TENM4: variants seen among roughly 807,000 people sequenced by gnomAD.
TENM4 encodes teneurin-4.
Under a neutral mutation model 243.3 loss-of-function variants are expected in TENM4, and 82 were observed. That is an observed-to-expected ratio of 0.34 (90% confidence interval 0.28 to 0.40). The LOEUF (loss-of-function observed/expected upper bound fraction) is 0.40, where lower values mean the gene tolerates loss of function less well. Among genes scored for constraint, TENM4 ranks in the 10% least tolerant of loss-of-function variants. The pLI is 1.00. For missense variants in TENM4, 3,138 were observed against 3,673.3 expected (o/e 0.85, Z 3.77); for synonymous variants, 1,412 against 1,456.3 (o/e 0.97, Z 0.69).
At chr11:79,300,132 G>A (rs1856527193) in intron 1 of TENM4, among the ~76,000 whole-genome samples, 1 of 152,164 alleles carries the variant, frequency 6.6e-6, no homozygotes, top group Non-Finnish European at 1.5e-5. Context: ...CTGCAGTCAT[G>A]CAGTTTGTTT....
At chr11:79,439,953 G>C (rs1859364075) in intron 1 of TENM4, among the ~76,000 whole-genome samples, 1 of 152,020 alleles carries the variant, frequency 6.6e-6, no homozygotes, top group African/African-American at 2.4e-5. Flanking sequence ...GCGCCCCGCG[G>C]GTTGCAGAGG....
chr11:79,062,861 C>T (rs899982446), intron 6 of TENM4, among the ~76,000 whole-genome samples: 2 of 151,924 alleles, frequency 1.3e-5, no homozygotes, highest in Non-Finnish European at 2.9e-5. Context: ...AGTGCGTGGT[C>T]GGGGTGGGGA....
rs267603209 is a variant in TENM4, at chr11:78,889,922, C to A, written c.947G>T (p.Arg316Leu). ...GGCGAAGGTGCTGCGGGGCAGGGGTCGGGGCGGAGGAGAGTACACTGTGCT... is the reference window on the plus strand; with the variant it reads ...GGCGAAGGTGCTGCGGGGCAGGGGTAGGGGCGGAGGAGAGTACACTGTGCT... The part of the protein sequence containing the change: ...TSSTVYSPPP[R>L]PLPRSTFARP... The change falls in exon 9 of 34, where the codon CGA (arginine) becomes CTA (leucine). Residue 316 changes from arginine to leucine, a missense_variant. By Grantham distance (102) the Arg-to-Leu change is moderately radical. Transcript: ENST00000278550. 3.2e-6 allele frequency: 5 copies of A among 1,551,550 alleles called. No homozygotes were observed. The highest frequency in any genetic ancestry group is 4.4e-6 in the Non-Finnish European group (5 of 1,147,002).
Position 78,658,655 on chromosome 11 carries a change from C to G in TENM4, c.7713G>C (p.Lys2571Asn). The G allele has an allele frequency of 6.2e-7, 1 of 1,614,078 alleles. No individual in the cohort carries two copies. The highest frequency in any genetic ancestry group is 8.5e-7 in the Non-Finnish European group (1 of 1,179,902). ...TCACTCGGCCATCCTTCAAGGCAAA[C>G]TTGACCCCCTTGCCAAAGACTGAGC... ...SSGSVFGKGVKFALKDGRVTT... is the reference protein window; with the variant it reads ...SSGSVFGKGVNFALKDGRVTT... The change falls in exon 34 of 34, where the codon AAG becomes AAC. Residue 2571 changes from lysine (K) to asparagine (N), a missense_variant. By Grantham distance (94) the Lys-to-Asn change is moderately conservative. Transcript: ENST00000278550.
At chr11:78,848,650 C>T (rs1858457603) in intron 12 of TENM4, among the ~76,000 whole-genome samples, 1 of 152,176 alleles carries the variant, frequency 6.6e-6, no homozygotes. Flanking sequence ...TGACCAGTGA[C>T]TCCAGGAGTG....
chr11:79,081,221 T>A (rs867165526), intron 4 of TENM4, among the ~76,000 whole-genome samples: 1 of 152,196 alleles, frequency 6.6e-6, no homozygotes, highest in Non-Finnish European at 1.5e-5. Context: ...GGGCCTGAGT[T>A]CATACAGCTT....
chr11:79,023,221 C>A (rs375896585), intron 6 of TENM4, among the ~76,000 whole-genome samples: 1 of 152,204 alleles, frequency 6.6e-6, no homozygotes, highest in African/African-American at 2.4e-5. Context: ...ATGCCACCAC[C>A]CTCACATTAG....
chr11:79,209,941 A>C (rs1863926095), intron 3 of TENM4, among the ~76,000 whole-genome samples: 1 of 152,224 alleles, frequency 6.6e-6, no homozygotes, highest in African/African-American at 2.4e-5. Context: ...AGAGCCAAAA[A>C]TATATAGGTT....
intron 2 of TENM4, among the ~76,000 whole-genome samples, chr11:79,257,601 A>C (rs533801082): frequency 3.2e-4 from 49 of 152,308 alleles, no homozygotes; most frequent in African/African-American, 1.2e-3. Flanking sequence ...AAAGTTAATA[A>C]ACTAGAAATA....
At chr11:78,935,044 G>T (rs1200689607) in intron 6 of TENM4, among the ~76,000 whole-genome samples, 1 of 114,808 alleles carries the variant, frequency 8.7e-6, no homozygotes, top group African/African-American at 3.4e-5. Context: ...TCGCTCTGTC[G>T]CCCAGGCCGG....
At chr11:79,439,663 C>CCACACA (rs141828517) in intron 1 of TENM4, among the ~76,000 whole-genome samples, 10,657 of 146,734 alleles carry the variant, frequency 0.073, 389 homozygotes, top group Admixed American at 0.12. Flanking sequence ...GTGTGTGTGT[C>CCACACA]CACACACACA....
intron 2 of TENM4, among the ~76,000 whole-genome samples, chr11:79,269,001 A>C (rs1855924927): frequency 6.6e-6 from 1 of 152,224 alleles, no homozygotes; most frequent in African/African-American, 2.4e-5. Context: ...TTTAAATAGA[A>C]CACACACGAA....
chr11:79,284,091 G>A (rs1227485198), intron 2 of TENM4, among the ~76,000 whole-genome samples: 2 of 152,160 alleles, frequency 1.3e-5, no homozygotes. Context: ...CATGTTTGTG[G>A]ATTGGGAGAT....
At chr11:78,807,304 C>T (rs1267881759) in intron 14 of TENM4, among the ~76,000 whole-genome samples, 2 of 152,176 alleles carry the variant, frequency 1.3e-5, no homozygotes, top group Non-Finnish European at 2.9e-5. Context: ...TACCATTTTA[C>T]ATTCCCACCA....
chr11:79,362,400 T>A (rs566109649), intron 1 of TENM4, among the ~76,000 whole-genome samples: 1 of 152,338 alleles, frequency 6.6e-6, no homozygotes, highest in Non-Finnish European at 1.5e-5. Flanking sequence ...GATGCTCTAA[T>A]CAGTGGGAAG....
chr11:78,781,734 ACAG>A (rs35460816), intron 16 of TENM4, among the ~76,000 whole-genome samples: 46,169 of 151,942 alleles, frequency 0.3, 9,031 homozygotes, highest in Middle Eastern at 0.48. Flanking sequence ...AAGGATCACT[ACAG>A]CAGGTGATGG....
chr11:79,140,704 A>AT (rs1254133691), intron 4 of TENM4, among the ~76,000 whole-genome samples: 1 of 152,130 alleles, frequency 6.6e-6, no homozygotes, highest in Non-Finnish European at 1.5e-5. Flanking sequence ...CCAAGCCAGA[A>AT]TAGAAGCCTT....
chr11:79,281,570 T>A (rs1856157840), intron 2 of TENM4, among the ~76,000 whole-genome samples: 1 of 152,156 alleles, frequency 6.6e-6, no homozygotes, highest in Non-Finnish European at 1.5e-5. Context: ...AGATCAGAAT[T>A]AAAAACTTTT....
chr11:79,339,888 C>T (rs1292636322), intron 1 of TENM4, among the ~76,000 whole-genome samples: 3 of 152,124 alleles, frequency 2.0e-5, no homozygotes, highest in South Asian at 2.1e-4. Flanking sequence ...AGCTGCTCCC[C>T]GTGGTTGGGT....
Sources: allele counts gnomAD v4.1 joint callset (sites outside exome capture counted in the v4.1 genomes callset), GRCh38; gene constraint gnomAD v4.1.1; transcripts MANE v1.5; gene names NCBI Gene and HGNC (gene_info 2026-07-23, HGNC 2026-07-21).